The following NOS1AP variants were observed in gnomAD, a reference collection of about 807,000 sequenced individuals.
The protein encoded by NOS1AP is carboxyl-terminal PDZ ligand of neuronal nitric oxide synthase protein.
Under a neutral mutation model 56.2 loss-of-function variants are expected in NOS1AP, and 21 were observed. That is an observed-to-expected ratio of 0.37 (90% CI 0.26 to 0.54). The LOEUF is 0.54. Ranked by LOEUF, NOS1AP falls within the 20% of genes least tolerant of loss-of-function variation. The pLI is 0.84. For synonymous variants in NOS1AP, 270 were observed against 274.6 expected (o/e 0.98, Z 0.17); for missense variants, 522 against 657.8 (o/e 0.79, Z 2.26).
At chr1:162,315,115 A>G (rs540154270) in intron 4 of NOS1AP, among the ~76,000 whole-genome samples, 1 of 152,366 alleles carries the variant, frequency 6.6e-6, no homozygotes, top group South Asian at 2.1e-4. Context: ...GTGTCCTTGG[A>G]ATCACATGGA....
intron 2 of NOS1AP, among the ~76,000 whole-genome samples, chr1:162,273,160 CTTTTTTTT>C (rs11429407): frequency 3.8e-5 from 4 of 106,222 alleles, no homozygotes; most frequent in East Asian, 2.8e-4. Flanking sequence ...AGCCCTTGTT[CTTTTTTTT>C]TTTTTTTTTT....
intron 2 of NOS1AP, among the ~76,000 whole-genome samples, chr1:162,269,874 G>A (rs570667542): frequency 1.3e-5 from 2 of 152,212 alleles, no homozygotes; most frequent in Admixed American, 1.3e-4. Context: ...AGAGAAATAG[G>A]TCAAACGGGG....
At chr1:162,112,959 C>G (rs3922867) in intron 1 of NOS1AP, among the ~76,000 whole-genome samples, 77,577 of 152,016 alleles carry the variant, frequency 0.51, 21,846 homozygotes, top group Non-Finnish European at 0.64. Flanking sequence ...GGTGAAATTT[C>G]CCTCTAAAGC....
chr1:162,101,447 T>TA (rs1647259097), intron 1 of NOS1AP, among the ~76,000 whole-genome samples: 1 of 152,236 alleles, frequency 6.6e-6, no homozygotes, highest in Non-Finnish European at 1.5e-5. Context: ...AATTTTAAAA[T>TA]AGCTTTTTCT....
chr1:162,365,645 G>A lies in NOS1AP; in HGVS notation c.1105+76G>A, dbSNP rs542558606. The A allele has an allele frequency of 1.1e-3, 1,780 of 1,580,338 alleles. 13 individuals are homozygous for A. In the Middle Eastern group the frequency reaches 0.016, roughly 14 times the overall value. ...GAGTGTCACTTTCCTTAAGTTTTTG[G>A]TGGTGCTTTCTTGGACCCCTGACCT... On this transcript the variant is annotated intron_variant, in intron 9 of 9. Transcript: ENST00000361897.
intron 2 of NOS1AP, among the ~76,000 whole-genome samples, chr1:162,257,033 C>T (rs1571166242): frequency 6.6e-6 from 1 of 152,112 alleles, no homozygotes; most frequent in Non-Finnish European, 1.5e-5. Flanking sequence ...AAGAATTGGT[C>T]AGAGGGCTAG....
intron 1 of NOS1AP, among the ~76,000 whole-genome samples, chr1:162,137,970 G>A (rs1486099662): frequency 6.6e-6 from 1 of 152,136 alleles, no homozygotes; most frequent in Non-Finnish European, 1.5e-5. Flanking sequence ...GTAAGAGGGG[G>A]TGCTGGTGTG....
Position 162,365,172 on chromosome 1 carries a change from A to C in NOS1AP, c.940-232A>C, listed in dbSNP as rs1411658587. The C allele has an allele frequency of 5.6e-6, 8 of 1,430,534 alleles. No individual in the cohort carries two copies. In the African/African-American group the frequency reaches 8.6e-5, roughly 15 times the overall value. 88.6% of individuals were successfully genotyped at this position (1,430,534 alleles called of 1,614,324 possible). A position where few individuals can be genotyped will look rare whatever the true frequency, so the allele number is the denominator to read the frequency against. ...CTTGGTATGGGTACCTTAGTGATGC[A>C]TCATGGCCCTCCCTTAGGACACACA... On this transcript the variant is annotated intron_variant, in intron 8 of 9. Transcript: ENST00000361897.
At chr1:162,139,149 C>T (rs901083817) in intron 1 of NOS1AP, among the ~76,000 whole-genome samples, 2 of 152,084 alleles carry the variant, frequency 1.3e-5, no homozygotes, top group African/African-American at 4.8e-5. Context: ...TTAGCCCATC[C>T]CGGGTTTTGA....
intron 4 of NOS1AP, among the ~76,000 whole-genome samples, chr1:162,320,615 G>A (rs959784794): frequency 1.3e-4 from 20 of 152,164 alleles, no homozygotes; most frequent in Non-Finnish European, 1.5e-4. Context: ...CAGCACTTTG[G>A]GAGGCCGAGG....
rs1553253945 is a variant in NOS1AP, at chr1:162,069,747, T to TCCGCCG, written c.-428_-423dup. On this transcript the variant is annotated 5_prime_UTR_variant, in exon 1 of 10. Coordinates refer to ENST00000361897, the MANE Select transcript of NOS1AP (RefSeq NM_014697.3). ...AGCGTCTCCGTGACAGGCACCCTGC[T>TCCGCCG]CCGCCGCCACCGCCACCGCCACCGC... 1.9e-5 allele frequency: 3 copies of TCCGCCG among 154,862 alleles called. No individual in the cohort carries two copies. The highest frequency in any genetic ancestry group is 6.6e-5 in the Admixed American group (1 of 15,202). 9.6% of individuals were successfully genotyped at this position (154,862 alleles called of 1,614,324 possible).
intron 2 of NOS1AP, among the ~76,000 whole-genome samples, chr1:162,158,082 GTTGTGTCA>G (rs1650045259): frequency 6.6e-6 from 1 of 152,176 alleles, no homozygotes; most frequent in Non-Finnish European, 1.5e-5. Flanking sequence ...TATTCACACT[GTTGTGTCA>G]CAGATCTCTA....
chr1:162,208,249 T>C (rs1346101383), intron 2 of NOS1AP, among the ~76,000 whole-genome samples: 2 of 152,232 alleles, frequency 1.3e-5, no homozygotes, highest in Admixed American at 6.5e-5. Flanking sequence ...AATGCTGGCC[T>C]ACAGTTGCCA....
At chr1:162,237,237 A>G (rs1463386820) in intron 2 of NOS1AP, among the ~76,000 whole-genome samples, 3 of 152,208 alleles carry the variant, frequency 2.0e-5, no homozygotes. Context: ...TTAGAGACAA[A>G]GGGCCAAAGA....
At position 162,366,928 on chromosome 1, in the gene NOS1AP, G is replaced by C. The variant is rs1658105503; in HGVS notation, c.1106-124G>C. 1.0e-5 allele frequency: 11 copies of C among 1,068,038 alleles called. No homozygotes were observed. The South Asian group carries it at 1.1e-4, about 11-fold the overall frequency. 66.2% of individuals were successfully genotyped at this position (1,068,038 alleles called of 1,614,324 possible). ...GAAGTGTTAAGAGACCCAAAGCCCG[G>C]AGAGGTGCTGCTAAGCTGGTCTGGG... On this transcript the variant is annotated intron_variant, in intron 9 of 9. Transcript: ENST00000361897.
chr1:162,168,924 G>GGCCAGCT (rs1214647875), intron 2 of NOS1AP, among the ~76,000 whole-genome samples: 2 of 152,224 alleles, frequency 1.3e-5, no homozygotes. Context: ...ACCCAAACCA[G>GGCCAGCT]GCCAGCTTTG....
At chr1:162,267,430 G>A (rs2101714352) in intron 2 of NOS1AP, among the ~76,000 whole-genome samples, 1 of 148,508 alleles carries the variant, frequency 6.7e-6, no homozygotes, top group African/African-American at 2.4e-5. Flanking sequence ...AAGAGAACAG[G>A]AGAAGAAACA....
At chr1:162,212,670 C>T (rs1390160718) in intron 2 of NOS1AP, among the ~76,000 whole-genome samples, 1 of 152,178 alleles carries the variant, frequency 6.6e-6, no homozygotes, top group Non-Finnish European at 1.5e-5. Flanking sequence ...CACACACTTT[C>T]CTGCCCCATG....
At chr1:162,157,830 C>T (rs1337294829) in intron 2 of NOS1AP, among the ~76,000 whole-genome samples, 1 of 152,172 alleles carries the variant, frequency 6.6e-6, no homozygotes, top group Non-Finnish European at 1.5e-5. Flanking sequence ...CTATTCCTTA[C>T]CCCAGAGAGG....
Sources: allele counts gnomAD v4.1 joint callset (sites outside exome capture counted in the v4.1 genomes callset), GRCh38; gene constraint gnomAD v4.1.1; transcripts MANE v1.5; gene names NCBI Gene and HGNC (gene_info 2026-07-23, HGNC 2026-07-21).